Variants in TOX observed in about 807,000 individuals in gnomAD.
TOX encodes the protein thymocyte selection associated high mobility group box.
In TOX, 11 loss-of-function variants were observed where a neutral mutation model predicts 53.7. The observed-to-expected ratio is 0.20, with a 90% CI of 0.13 to 0.34. TOX has a LOEUF of 0.34. Ranked by LOEUF, TOX falls within the 10% of genes least tolerant of loss-of-function variation. The pLI is 1.00. For missense variants in TOX, 570 were observed against 664.6 expected, an observed-to-expected ratio of 0.86 and a Z score of 1.56; for synonymous variants, 225 against 245.3, an observed-to-expected ratio of 0.92 and a Z score of 0.77.
chr8:58,828,119 T>C (rs1383694902), intron 5 of TOX, among the ~76,000 whole-genome samples: 3 of 152,256 alleles, frequency 2.0e-5, no homozygotes, highest in African/African-American at 7.2e-5. Context: ...ATCTGCCATT[T>C]GGCAGCAGGG....
chr8:59,004,652 A>G (rs1484860053), intron 1 of TOX, among the ~76,000 whole-genome samples: 1 of 152,220 alleles, frequency 6.6e-6, no homozygotes, highest in African/African-American at 2.4e-5. Flanking sequence ...AATTCCAGCC[A>G]ATTATTTAAC....
intron 1 of TOX, among the ~76,000 whole-genome samples, chr8:58,964,816 C>T (rs1463337103): frequency 6.6e-6 from 1 of 151,994 alleles, no homozygotes; most frequent in African/African-American, 2.4e-5. Context: ...CAGCTTTATA[C>T]TTCATCTCCA....
chr8:59,066,294 G>A (rs1804092255), intron 1 of TOX, among the ~76,000 whole-genome samples: 1 of 152,202 alleles, frequency 6.6e-6, no homozygotes, highest in African/African-American at 2.4e-5. Flanking sequence ...TTGACAAGTA[G>A]GAAGTTTGCT....
chr8:59,021,399 C>T (rs1316201727), intron 1 of TOX, among the ~76,000 whole-genome samples: 1 of 145,322 alleles, frequency 6.9e-6, no homozygotes, highest in Non-Finnish European at 1.5e-5. Flanking sequence ...GAAAATACTG[C>T]CATCTGTTGT....
At position 58,807,531 on chromosome 8, in the gene TOX, G is replaced by A; in HGVS notation, c.*216C>T. On this transcript the variant is annotated 3_prime_UTR_variant, in exon 9 of 9. Coordinates refer to ENST00000361421, the MANE Select transcript of TOX (RefSeq NM_014729.3). Reference sequence around the variant, plus strand: ...ATCTGAATGGTCCAAATTTCCTTCAGGGAAGAAGAAAAACAATGTCCATAA... The same window carrying A: ...ATCTGAATGGTCCAAATTTCCTTCAAGGAAGAAGAAAAACAATGTCCATAA... 2.6e-5 allele frequency: 13 copies of A among 504,766 alleles called. No homozygotes were observed. The highest frequency in any genetic ancestry group is 2.4e-5 in the Non-Finnish European group (7 of 287,792). The allele number at this position is 504,766 out of a possible 1,614,324, so 31.3% of individuals were successfully genotyped here.
chr8:58,980,881 G>A (rs1035614462), intron 1 of TOX, among the ~76,000 whole-genome samples: 1 of 152,140 alleles, frequency 6.6e-6, no homozygotes, highest in Non-Finnish European at 1.5e-5. Flanking sequence ...TCCTGCCAGA[G>A]CATCATTCCA....
intron 1 of TOX, among the ~76,000 whole-genome samples, chr8:58,987,402 T>C (rs1165519668): frequency 6.6e-6 from 1 of 152,234 alleles, no homozygotes; most frequent in Admixed American, 6.5e-5. Context: ...CTTTTCTGCA[T>C]CTTTTTTTTG....
chr8:59,107,713 C>T (rs1563448894), intron 1 of TOX, among the ~76,000 whole-genome samples: 1 of 152,176 alleles, frequency 6.6e-6, no homozygotes, highest in Admixed American at 6.5e-5. Context: ...TTCTGATATT[C>T]TGCCAACAGG....
chr8:58,852,617 A>G (rs760255225), intron 3 of TOX, among the ~76,000 whole-genome samples: 2 of 152,186 alleles, frequency 1.3e-5, no homozygotes, highest in Non-Finnish European at 2.9e-5. Context: ...AATGTATTGT[A>G]TAAGAGGAGT....
intron 1 of TOX, among the ~76,000 whole-genome samples, chr8:59,068,502 C>A (rs942575170): frequency 6.7e-6 from 1 of 149,404 alleles, no homozygotes; most frequent in Non-Finnish European, 1.5e-5. Flanking sequence ...CAGAATAAGG[C>A]GGAAAAAAGT....
chr8:58,994,423 C>CGCGT (rs767944373), intron 1 of TOX, among the ~76,000 whole-genome samples: 2 of 119,664 alleles, frequency 1.7e-5, no homozygotes, highest in African/African-American at 5.3e-5. Context: ...TGTGTGTGCG[C>CGCGT]GCGCGCATGT....
intron 3 of TOX, among the ~76,000 whole-genome samples, chr8:58,922,940 G>A (rs945978318): frequency 1.3e-5 from 2 of 152,130 alleles, no homozygotes; most frequent in East Asian, 1.9e-4. Flanking sequence ...TGGGGCAAGC[G>A]TGTTCCCAAT....
At chr8:58,956,639 T>C (rs1455680722) in intron 2 of TOX, among the ~76,000 whole-genome samples, 1 of 152,214 alleles carries the variant, frequency 6.6e-6, no homozygotes, top group Non-Finnish European at 1.5e-5. Flanking sequence ...TCTTGCTCTG[T>C]TGCCCAGGCT....
chr8:58,849,319 C>A (rs1282253607), intron 4 of TOX, among the ~76,000 whole-genome samples: 1 of 152,116 alleles, frequency 6.6e-6, no homozygotes, highest in Non-Finnish European at 1.5e-5. Flanking sequence ...TCTTAGAAAT[C>A]AATCCCTAAA....
At chr8:58,896,933 A>G (rs931681457) in intron 3 of TOX, among the ~76,000 whole-genome samples, 2 of 152,208 alleles carry the variant, frequency 1.3e-5, no homozygotes, top group African/African-American at 4.8e-5. Context: ...TTCTGTCTTA[A>G]GTAGTATAAA....
At chr8:58,826,940 AT>A in intron 5 of TOX, 38 bp from the exon 6 acceptor site, 1 of 1,585,430 alleles carries the variant, frequency 6.3e-7, no homozygotes, top group Non-Finnish European at 8.6e-7. Flanking sequence ...TAGAAAGTGC[AT>A]TTGCTTTTGT....
chr8:58,865,647 C>T (rs915303035), intron 3 of TOX, among the ~76,000 whole-genome samples: 1 of 151,562 alleles, frequency 6.6e-6, no homozygotes, highest in Non-Finnish European at 1.5e-5. Flanking sequence ...AATATATTTT[C>T]GGTCTTTATG....
chr8:58,971,743 C>G (rs1813007420), intron 1 of TOX, among the ~76,000 whole-genome samples: 1 of 152,020 alleles, frequency 6.6e-6, no homozygotes, highest in Non-Finnish European at 1.5e-5. Context: ...GGCTGGAGTA[C>G]AGCAGCGCGA....
intron 1 of TOX, among the ~76,000 whole-genome samples, chr8:59,021,737 C>A (rs548140434): frequency 6.6e-6 from 1 of 152,048 alleles, no homozygotes; most frequent in East Asian, 1.9e-4. Context: ...CTGGTATATA[C>A]CATTTTGATT....
Sources: allele counts gnomAD v4.1 joint callset (sites outside exome capture counted in the v4.1 genomes callset), GRCh38; gene constraint gnomAD v4.1.1; transcripts MANE v1.5; gene names NCBI Gene and HGNC (gene_info 2026-07-23, HGNC 2026-07-21).